PAN3: variants seen among roughly 807,000 people sequenced by gnomAD.
The protein encoded by PAN3 is PAN2-PAN3 deadenylation complex subunit PAN3.
PAN3 carries 19 observed loss-of-function variants against 96.2 expected under a neutral mutation model. The observed-to-expected ratio is 0.20, with a 90% CI of 0.14 to 0.29. PAN3 has a LOEUF of 0.29. Among genes scored for constraint, PAN3 ranks in the 10% least tolerant of loss-of-function variants. PAN3 has a pLI of 1.00. For synonymous variants in PAN3, 433 were observed against 406.6 expected, an observed-to-expected ratio of 1.06 and a Z score of -0.78; for missense variants, 882 against 1,108.1, an observed-to-expected ratio of 0.80 and a Z score of 2.90.
At chr13:28,225,922 T>G (rs1881955263) in intron 6 of PAN3, among the ~76,000 whole-genome samples, 1 of 152,232 alleles carries the variant, frequency 6.6e-6, no homozygotes, top group African/African-American at 2.4e-5. Flanking sequence ...TTGTGAACTC[T>G]TGTAAGTCAT....
chr13:28,255,255 G>T (rs775570316), intron 6 of PAN3, among the ~76,000 whole-genome samples: 3 of 152,076 alleles, frequency 2.0e-5, no homozygotes, highest in Non-Finnish European at 2.9e-5. Flanking sequence ...TTCAGGAAGG[G>T]TAACTGTTGC....
intron 17 of PAN3, 94 bp downstream of exon 17, chr13:28,281,473 G>A (rs1218776055): frequency 8.8e-7 from 1 of 1,142,510 alleles, no homozygotes; most frequent in Non-Finnish European, 1.3e-6. Flanking sequence ...TGGAAAAAGA[G>A]AAAAATTCTC....
chr13:28,278,164 A>G (rs1458421375), intron 15 of PAN3, among the ~76,000 whole-genome samples: 1 of 152,234 alleles, frequency 6.6e-6, no homozygotes, highest in Non-Finnish European at 1.5e-5. Flanking sequence ...GCCCTGGATG[A>G]TCCAGTTTCT....
Position 28,267,077 on chromosome 13 carries a change from A to G in PAN3, c.1574-18A>G. 6.3e-7 allele frequency: 1 copy of G among 1,576,888 alleles called. No individual in the cohort carries two copies. The highest frequency in any genetic ancestry group is 1.1e-5 in the South Asian group (1 of 87,576). On this transcript the variant is annotated intron_variant, in intron 10 of 18. Transcript: ENST00000380958. The stretch of plus-strand genomic sequence containing the variant: ...GACGTCAATTAGAGTTTACTGGAGT[A>G]GAAAAATTGTCTTCCAGGTTTTCGT...
chr13:28,150,656 A>G (rs900651300), intron 1 of PAN3, among the ~76,000 whole-genome samples: 1 of 150,640 alleles, frequency 6.6e-6, no homozygotes, highest in Admixed American at 6.6e-5. Context: ...AAAAAAAAAG[A>G]TTTAATGTAT....
At chr13:28,174,544 T>C (rs1874712066) in intron 2 of PAN3, 151 bp downstream of exon 2, 1 of 930,386 alleles carries the variant, frequency 1.1e-6, no homozygotes, top group African/African-American at 1.7e-5. Context: ...CTATCTCCCA[T>C]GGGGTTGGAG....
intron 18 of PAN3, among the ~76,000 whole-genome samples, chr13:28,291,976 A>G (rs1869811789): frequency 6.6e-6 from 1 of 152,084 alleles, no homozygotes; most frequent in African/African-American, 2.4e-5. Context: ...ATTTCTTAAT[A>G]CTTTACATTT....
rs1170542614 is a variant in PAN3, at chr13:28,272,028, A to C, written c.2006A>C (p.Asn669Thr). The C allele has an allele frequency of 6.3e-7, 1 of 1,593,758 alleles. No individual in the cohort carries two copies. Among genetic ancestry groups the C allele is most frequent in the East Asian group, 2.3e-5 (1 of 44,352 alleles). Reference sequence around the variant, plus strand: ...GTTTTTGATGTTTTAACATTTGATAACAGTCAAAATAATAATCCATTGGCA... The same window carrying C: ...GTTTTTGATGTTTTAACATTTGATACCAGTCAAAATAATAATCCATTGGCA... Reference protein sequence around the residue: ...VGVFDVLTFDNSQNNNPLALM... With the variant: ...VGVFDVLTFDTSQNNNPLALM... Residue 669 changes from asparagine (N) to threonine (T), a missense_variant, in exon 14 of 19, where the codon AAC becomes ACC. Physicochemically the swap from Asn to Thr is moderately conservative, Grantham distance 65 (BLOSUM62 0). Transcript: ENST00000380958.
chr13:28,208,543 G>A (rs1879648632), intron 5 of PAN3, among the ~76,000 whole-genome samples: 1 of 151,694 alleles, frequency 6.6e-6, no homozygotes. Flanking sequence ...TTTTTTGGGG[G>A]GTATGTTTGA....
chr13:28,170,738 T>C (rs1874198139), intron 1 of PAN3, among the ~76,000 whole-genome samples: 1 of 152,146 alleles, frequency 6.6e-6, no homozygotes, highest in Admixed American at 6.6e-5. Context: ...TCATCATTAC[T>C]GTGAAAATAA....
intron 1 of PAN3, among the ~76,000 whole-genome samples, chr13:28,172,226 C>G (rs147030768): frequency 1.3e-5 from 2 of 152,082 alleles, no homozygotes; most frequent in Admixed American, 1.3e-4. Flanking sequence ...GAGGCCGAGG[C>G]GGGTGGATCA....
chr13:28,181,766 C>T (rs906716594), intron 4 of PAN3, among the ~76,000 whole-genome samples: 3 of 152,000 alleles, frequency 2.0e-5, no homozygotes, highest in East Asian at 1.9e-4. Flanking sequence ...CTGTGACATT[C>T]GAATATGGAA....
chr13:28,141,714 G>C (rs995249778), intron 1 of PAN3, among the ~76,000 whole-genome samples: 1 of 152,078 alleles, frequency 6.6e-6, no homozygotes, highest in Non-Finnish European at 1.5e-5. Flanking sequence ...TGATCCGCCT[G>C]CCTCGGCCTC....
chr13:28,144,098 G>T (rs1374793248), intron 1 of PAN3, among the ~76,000 whole-genome samples: 3 of 151,914 alleles, frequency 2.0e-5, no homozygotes, highest in African/African-American at 7.3e-5. Flanking sequence ...TCTGATTAAG[G>T]TGATAGGAAC....
intron 4 of PAN3, among the ~76,000 whole-genome samples, chr13:28,194,941 T>G (rs144882169): frequency 6.6e-6 from 1 of 152,168 alleles, no homozygotes; most frequent in African/African-American, 2.4e-5. Context: ...TATAACGTGG[T>G]TCCATGGCAT....
At chr13:28,216,199 G>GA (rs35775689) in intron 5 of PAN3, among the ~76,000 whole-genome samples, 22,480 of 133,576 alleles carry the variant, frequency 0.17, 1,996 homozygotes, top group East Asian at 0.35. Flanking sequence ...AGTTTAGTGA[G>GA]AAAAAAAAAA....
At chr13:28,152,045 A>G (rs77661938) in intron 1 of PAN3, among the ~76,000 whole-genome samples, 1,553 of 152,304 alleles carry the variant, frequency 0.01, 23 homozygotes, top group African/African-American at 0.035. Flanking sequence ...TTGATAAATC[A>G]GTAGGCTATT....
intron 4 of PAN3, among the ~76,000 whole-genome samples, chr13:28,195,228 C>T (rs922019373): frequency 6.6e-6 from 1 of 151,956 alleles, no homozygotes; most frequent in Non-Finnish European, 1.5e-5. Context: ...CATAATGAAA[C>T]CCCATCTCTA....
chr13:28,197,436 G>A (rs1878192210), intron 5 of PAN3, 90 bp downstream of exon 5: 3 of 1,308,652 alleles, frequency 2.3e-6, no homozygotes, highest in Non-Finnish European at 3.1e-6. Context: ...GAAAGGATTG[G>A]ATGACTTAGC....
Sources: gnomAD v4.1 joint callset for allele counts (sites outside exome capture counted in the v4.1 genomes callset) on GRCh38, gnomAD v4.1.1 for gene constraint, MANE v1.5 for transcripts, NCBI Gene and HGNC (gene_info 2026-07-23, HGNC 2026-07-21) for gene names.